Variants in ART3 observed in about 807,000 individuals in gnomAD.
ART3 encodes the protein ecto-ADP-ribosyltransferase 3.
ART3 carries 49 observed loss-of-function variants against 48.5 expected under a neutral mutation model. The observed-to-expected ratio is 1.01, with a 90% CI of 0.80 to 1.28. ART3 has a LOEUF of 1.28. ART3 is among the 50% of genes most tolerant of loss of function. The probability of loss-of-function intolerance (pLI) is 0.00; values close to 1 mark genes in which losing one functional copy is unlikely to be tolerated. For missense variants in ART3, 438 were observed against 454.3 expected, an observed-to-expected ratio of 0.96 and a Z score of 0.33; for synonymous variants, 145 against 157.2, an observed-to-expected ratio of 0.92 and a Z score of 0.58.
chr4:76,090,050 A>AATG lies in ART3; in HGVS notation c.781+7515_781+7516insATG, dbSNP rs1354906829. On this transcript the variant is annotated intron_variant, in intron 3 of 11. Coordinates refer to ENST00000355810, the MANE Select transcript of ART3 (RefSeq NM_001130016.3). ...AGCTGAGATTGCGCCATTGCACTCC[A>AATG]GCCTGGGTGACAAGAGTGAAACTCC... Among the ~76,000 whole-genome samples the AATG allele has an allele frequency of 8.5e-5, 13 of 152,372 alleles. No homozygotes were observed. The East Asian group carries it at 2.3e-3, about 27-fold the overall frequency.
At chr4:76,014,756 G>A (rs1297490070) in intron 1 of ART3, among the ~76,000 whole-genome samples, 1 of 152,122 alleles carries the variant, frequency 6.6e-6, no homozygotes, top group Non-Finnish European at 1.5e-5. Context: ...ATACCTAATA[G>A]TCAAACTGCT....
chr4:76,100,289 A>G lies in ART3; in HGVS notation c.848-2A>G, dbSNP rs147392216. Reference sequence around the variant, plus strand: ...CTGATGAACTTCTTTTCTGTGACTCAGGTGAGAAAAACCAGAAGCTTGAAG... The same window carrying G: ...CTGATGAACTTCTTTTCTGTGACTCGGGTGAGAAAAACCAGAAGCTTGAAG... On this transcript the variant is annotated splice_acceptor_variant, in intron 5 of 11. Coordinates refer to ENST00000355810, the MANE Select transcript of ART3 (RefSeq NM_001130016.3). LOFTEE classifies it high-confidence loss of function. The G allele has an allele frequency of 1.9e-6, 3 of 1,611,596 alleles. No individual in the cohort carries two copies. The highest frequency in any genetic ancestry group is 2.5e-6 in the Non-Finnish European group (3 of 1,178,576).
chr4:76,089,756 C>T (rs181138435), intron 3 of ART3, among the ~76,000 whole-genome samples: 9 of 152,244 alleles, frequency 5.9e-5, no homozygotes, highest in East Asian at 1.9e-4. Flanking sequence ...TGACAGATAT[C>T]AAGCCTGGCT....
intron 2 of ART3, among the ~76,000 whole-genome samples, chr4:76,078,320 C>T (rs1721590925): frequency 6.6e-6 from 1 of 152,032 alleles, no homozygotes; most frequent in African/African-American, 2.4e-5. Flanking sequence ...AAGACAGGAA[C>T]ATAGTAGATC....
chr4:76,027,119 G>A (rs184540816), intron 1 of ART3, among the ~76,000 whole-genome samples: 3 of 152,092 alleles, frequency 2.0e-5, no homozygotes, highest in East Asian at 1.9e-4. Context: ...TGGGCGTGGT[G>A]GTGGGCGACT....
At chr4:76,081,313 C>T (rs1036070193) in intron 2 of ART3, among the ~76,000 whole-genome samples, 6 of 152,206 alleles carry the variant, frequency 3.9e-5, no homozygotes, top group Non-Finnish European at 7.3e-5. Flanking sequence ...GACTTTAGAT[C>T]ACCTGCTTAT....
At chr4:76,101,040 C>T (rs1727193155) in intron 8 of ART3, 21 bp downstream of exon 8, 1 of 1,612,486 alleles carries the variant, frequency 6.2e-7, no homozygotes, top group Admixed American at 1.7e-5. Flanking sequence ...TATGTAAATT[C>T]TGGGGGCTTA....
At chr4:76,093,550 C>A (rs757022038) in intron 3 of ART3, among the ~76,000 whole-genome samples, 1 of 152,168 alleles carries the variant, frequency 6.6e-6, no homozygotes, top group Admixed American at 6.5e-5. Flanking sequence ...ATTGAGCTCA[C>A]CTGGAAAATC....
chr4:76,097,730 T>TCATAGCTCTGACC, intron 4 of ART3, 54 bp downstream of exon 4: 30 of 1,434,652 alleles, frequency 2.1e-5, no homozygotes, highest in Non-Finnish European at 2.6e-5. Context: ...CAGTTACTTC[T>TCATAGCTCTGACC]CATAGCTATG....
At chr4:76,036,542 A>G (rs1734430534) in intron 1 of ART3, among the ~76,000 whole-genome samples, 1 of 152,000 alleles carries the variant, frequency 6.6e-6, no homozygotes, top group Non-Finnish European at 1.5e-5. Context: ...ATTCAATTTC[A>G]TATTTTTACC....
chr4:76,082,744 A>G (rs796898731), intron 3 of ART3, among the ~76,000 whole-genome samples: 1 of 152,174 alleles, frequency 6.6e-6, no homozygotes, highest in African/African-American at 2.4e-5. Context: ...AATTAGCACT[A>G]TAAGGCAGTG....
chr4:76,074,755 T>G lies in ART3; in HGVS notation c.-74T>G, dbSNP rs1430308362. 2 of 152,152 alleles carry G rather than the reference T, an allele frequency of 1.3e-5. No individual in the cohort carries two copies. Among genetic ancestry groups the G allele is most frequent in the African/African-American group, 4.8e-5 (2 of 41,436 alleles). 9.4% of individuals were successfully genotyped at this position (152,152 alleles called of 1,614,324 possible). Reference sequence around the variant, plus strand: ...ATCCTGAAGACTTGCTTACCACAACTGAGAGTGGGGAGTCAGTTTGAGGCC... The same window carrying G: ...ATCCTGAAGACTTGCTTACCACAACGGAGAGTGGGGAGTCAGTTTGAGGCC... On this transcript the variant is annotated 5_prime_UTR_variant, in exon 1 of 12. Transcript: ENST00000355810.
At position 76,112,706 on chromosome 4, in the gene ART3, C is replaced by A; in HGVS notation, c.*187C>A. ...CAGATATATGTCACAGAACTTTTCA[C>A]TTGTATACTACTCTTACAATGGAAA... On this transcript the variant is annotated 3_prime_UTR_variant, in exon 12 of 12. Transcript: ENST00000355810. The A allele has an allele frequency of 1.8e-6, 1 of 547,794 alleles. No homozygotes were observed. Among genetic ancestry groups the A allele is most frequent in the Non-Finnish European group, 3.0e-6 (1 of 332,152 alleles). 33.9% of individuals were successfully genotyped at this position (547,794 alleles called of 1,614,324 possible).
rs34858048 is a variant in ART3, at chr4:76,069,386, C to CT, written c.-9-6474dup. On this transcript the variant is annotated intron_variant, in intron 1 of 9. Transcript: ENST00000341029. ...ATGTAAATGTATCAGTACTTAATTCCTTTTTTTTTTTTTTTTTTTTTGAGA... is the reference window on the plus strand; with the variant it reads ...ATGTAAATGTATCAGTACTTAATTCCTTTTTTTTTTTTTTTTTTTTTTGAGA... Among the ~76,000 whole-genome samples, 650 of 110,100 alleles carry CT rather than the reference C, an allele frequency of 5.9e-3. 5 individuals are homozygous for CT. Among genetic ancestry groups the CT allele is most frequent in the Non-Finnish European group, 8.0e-3 (450 of 55,978 alleles). 72.2% of individuals were successfully genotyped at this position (110,100 alleles called of 152,430 possible). A position where few individuals can be genotyped will look rare whatever the true frequency, so the allele number is the denominator to read the frequency against.
chr4:76,086,579 A>T (rs547001910), intron 3 of ART3, among the ~76,000 whole-genome samples: 4 of 152,238 alleles, frequency 2.6e-5, no homozygotes, highest in Non-Finnish European at 5.9e-5. Flanking sequence ...ATTGTATTTT[A>T]CTTAAATAAG....
At chr4:76,065,632 C>G (rs927885507) in intron 1 of ART3, among the ~76,000 whole-genome samples, 2 of 151,548 alleles carry the variant, frequency 1.3e-5, no homozygotes, top group African/African-American at 2.4e-5. Flanking sequence ...ATGTGTCTCT[C>G]TCACTGAAAT....
chr4:76,083,290 T>A (rs1342109552), intron 3 of ART3, among the ~76,000 whole-genome samples: 1 of 152,200 alleles, frequency 6.6e-6, no homozygotes, highest in Non-Finnish European at 1.5e-5. Flanking sequence ...TTTTAGCTAT[T>A]TCTTCAGGTG....
At chr4:76,066,876 C>T (rs934990369) in intron 1 of ART3, among the ~76,000 whole-genome samples, 1 of 152,188 alleles carries the variant, frequency 6.6e-6, no homozygotes, top group South Asian at 2.1e-4. Context: ...GAGCCAACAG[C>T]AGGGAGAAGC....
intron 1 of ART3, among the ~76,000 whole-genome samples, chr4:76,018,210 G>A (rs117897327): frequency 3.5e-4 from 53 of 152,256 alleles, no homozygotes; most frequent in East Asian, 7.7e-4. Flanking sequence ...GCCCATCAAC[G>A]GTGGACTTCA....
Sources: gnomAD v4.1 joint callset for allele counts (sites outside exome capture counted in the v4.1 genomes callset) on GRCh38, gnomAD v4.1.1 for gene constraint, MANE v1.5 for transcripts, NCBI Gene and HGNC (gene_info 2026-07-23, HGNC 2026-07-21) for gene names.